COP1: variants seen among roughly 807,000 people sequenced by gnomAD.
COP1 encodes E3 ubiquitin-protein ligase COP1.
COP1 carries 24 observed loss-of-function variants against 101.3 expected under a neutral mutation model. That is an observed-to-expected ratio of 0.24 (90% CI 0.17 to 0.33). The LOEUF is 0.33. Among genes scored for constraint, COP1 ranks in the 10% least tolerant of loss-of-function variants. The pLI is 1.00. For synonymous variants in COP1, 347 were observed against 341.9 expected (o/e 1.01, Z -0.17); for missense variants, 663 against 906.2 (o/e 0.73, Z 3.45).
At chr1:176,030,533 C>G (rs569666055) in intron 14 of COP1, among the ~76,000 whole-genome samples, 1 of 152,020 alleles carries the variant, frequency 6.6e-6, no homozygotes, top group Non-Finnish European at 1.5e-5. Flanking sequence ...AGAAGGGTGG[C>G]AGGTCTTTTG....
intron 15 of COP1, among the ~76,000 whole-genome samples, chr1:176,000,312 C>T (rs1040132684): frequency 2.6e-5 from 4 of 152,048 alleles, no homozygotes; most frequent in African/African-American, 9.7e-5. Context: ...CATTCTTCTG[C>T]AAACGGATAT....
At chr1:176,015,515 A>G (rs1217028917) in intron 15 of COP1, among the ~76,000 whole-genome samples, 5 of 152,112 alleles carry the variant, frequency 3.3e-5, no homozygotes, top group Non-Finnish European at 7.3e-5. Context: ...GGAAAACTTG[A>G]TAAGGAAGAC....
intron 18 of COP1, 172 bp from the exon 19 acceptor site, chr1:175,947,411 C>A: frequency 3.8e-6 from 2 of 527,676 alleles, no homozygotes; most frequent in Non-Finnish European, 6.8e-6. Flanking sequence ...TGCTCTGTTG[C>A]CCAGGCTGGA....
chr1:175,993,761 C>T (rs1428875295), intron 15 of COP1, among the ~76,000 whole-genome samples: 1 of 152,144 alleles, frequency 6.6e-6, no homozygotes, highest in African/African-American at 2.4e-5. Context: ...ACCAAATCTA[C>T]GTCTGATTGG....
intron 8 of COP1, chr1:176,133,973 C>A: frequency 2.3e-6 from 1 of 432,378 alleles, no homozygotes; most frequent in South Asian, 1.6e-5. Context: ...AGAAGAAAAT[C>A]GGCTGAATTA....
chr1:175,996,117 C>T (rs531561926), intron 15 of COP1, among the ~76,000 whole-genome samples: 4 of 152,066 alleles, frequency 2.6e-5, no homozygotes, highest in Admixed American at 2.0e-4. Flanking sequence ...AAATGTAATC[C>T]AGCATATAAA....
chr1:175,991,073 T>A (rs778356259), intron 15 of COP1, among the ~76,000 whole-genome samples: 2 of 152,140 alleles, frequency 1.3e-5, no homozygotes, highest in Non-Finnish European at 2.9e-5. Flanking sequence ...TGCTTCTTCA[T>A]TGGAGCATTT....
Position 176,099,110 on chromosome 1 carries a change from C to T in COP1, c.1027-13220G>A, listed in dbSNP as rs142361578. On this transcript the variant is annotated intron_variant, in intron 9 of 19. Coordinates refer to ENST00000367669, the MANE Select transcript of COP1 (RefSeq NM_022457.7). Reference sequence around the variant, plus strand: ...TAATCAAACTACTTTGTCAATTGTGCTTCTAACTGTAACTACCCTGGACAT... The same window carrying T: ...TAATCAAACTACTTTGTCAATTGTGTTTCTAACTGTAACTACCCTGGACAT... Among the ~76,000 whole-genome samples the T allele has an allele frequency of 9.4e-3, 1,413 of 150,862 alleles. 24 individuals carry two copies. Among genetic ancestry groups the T allele is most frequent in the African/African-American group, 0.032 (1,343 of 41,444 alleles).
rs568549496 is a variant in COP1, at chr1:176,123,781, T to C, written c.969-7100A>G. Among the ~76,000 whole-genome samples, 63 of 152,280 alleles carry C rather than the reference T, an allele frequency of 4.1e-4. No homozygotes were observed. The South Asian group carries it at 0.012, about 29-fold the overall frequency. ...GTTATAAAATGTTTGTGTTGAATAT[T>C]TGAACTTTCTCTTATAAAAAGGAAA... On this transcript the variant is annotated intron_variant, in intron 8 of 19. Transcript: ENST00000367669.
intron 1 of COP1, among the ~76,000 whole-genome samples, chr1:176,202,645 C>T (rs1700390155): frequency 6.6e-6 from 1 of 150,742 alleles, no homozygotes; most frequent in Admixed American, 6.6e-5. Context: ...CTAGCCTGGG[C>T]AACATAGGGA....
At chr1:176,019,463 AAATAATAATAATAATAATAAT>A (rs34362717) in intron 15 of COP1, among the ~76,000 whole-genome samples, 1 of 132,382 alleles carries the variant, frequency 7.6e-6, no homozygotes. Context: ...ACTCCATCTC[AAATAATAATAATAATAATAAT>A]AATAATAATA....
chr1:176,022,729 CCT>C (rs1666963048), intron 15 of COP1, among the ~76,000 whole-genome samples: 1 of 142,386 alleles, frequency 7.0e-6, no homozygotes. Flanking sequence ...GATACTATCC[CCT>C]GCTTCAGACC....
intron 18 of COP1, among the ~76,000 whole-genome samples, chr1:175,984,753 G>A (rs1656706677): frequency 6.6e-6 from 1 of 152,212 alleles, no homozygotes; most frequent in Admixed American, 6.5e-5. Flanking sequence ...CCCACCTCTT[G>A]CATCAGTGTG....
intron 15 of COP1, among the ~76,000 whole-genome samples, chr1:176,005,867 G>A (rs985585681): frequency 2.5e-4 from 38 of 152,224 alleles, no homozygotes; most frequent in Non-Finnish European, 3.7e-4. Flanking sequence ...TATTAGGTCC[G>A]CTTGGTGCAG....
Position 176,094,859 on chromosome 1 carries a change from G to C in COP1, c.1027-8969C>G, listed in dbSNP as rs1682043078. ...CAATTAACATGAAAACAGAAAAGCAGCAAGCAAAACTGAATATTCTATTTC... is the reference window on the plus strand; with the variant it reads ...CAATTAACATGAAAACAGAAAAGCACCAAGCAAAACTGAATATTCTATTTC... On this transcript the variant is annotated intron_variant, in intron 9 of 19. Coordinates refer to ENST00000367669, the MANE Select transcript of COP1 (RefSeq NM_022457.7). 3.3e-5 allele frequency among the ~76,000 whole-genome samples: 5 copies of C among 152,184 alleles called. No individual in the cohort carries two copies. The South Asian group carries it at 1.0e-3, about 32-fold the overall frequency.
In COP1 at chr1:176,100,699, T is replaced by C. The variant is rs150306783; in HGVS notation, c.1027-14809A>G. On this transcript the variant is annotated intron_variant, in intron 9 of 19. Coordinates refer to ENST00000367669, the MANE Select transcript of COP1 (RefSeq NM_022457.7). Reference sequence around the variant, plus strand: ...TTTGGAAAACTAAGAACAAGGGAGCTAACCAAAGACAAGAACTATGCACCC... The same window carrying C: ...TTTGGAAAACTAAGAACAAGGGAGCCAACCAAAGACAAGAACTATGCACCC... 5.9e-3 allele frequency among the ~76,000 whole-genome samples: 893 copies of C among 152,252 alleles called. 57 individuals carry two copies. Among genetic ancestry groups the C allele is most frequent in the Admixed American group, 0.052 (791 of 15,278 alleles).
intron 5 of COP1, among the ~76,000 whole-genome samples, chr1:176,156,927 G>T (rs1693539069): frequency 6.6e-6 from 1 of 152,184 alleles, no homozygotes; most frequent in South Asian, 2.1e-4. Flanking sequence ...GCTGGGTCTG[G>T]TGGCTCACAC....
At chr1:176,049,178 C>CAAAAAAAAAAAAAAA (rs61267982) in intron 11 of COP1, among the ~76,000 whole-genome samples, 7 of 118,352 alleles carry the variant, frequency 5.9e-5, no homozygotes, top group Admixed American at 3.4e-4. Flanking sequence ...GACTCCGTCT[C>CAAAAAAAAAAAAAAA]AAAAAAAAAA....
At chr1:176,091,365 A>C (rs1464520107) in intron 9 of COP1, among the ~76,000 whole-genome samples, 1 of 152,004 alleles carries the variant, frequency 6.6e-6, no homozygotes, top group African/African-American at 2.4e-5. Context: ...AAAACAAAAA[A>C]AAAAACTTCT....
Sources: gnomAD v4.1 joint callset for allele counts (sites outside exome capture counted in the v4.1 genomes callset) on GRCh38, gnomAD v4.1.1 for gene constraint, MANE v1.5 for transcripts, NCBI Gene and HGNC (gene_info 2026-07-23, HGNC 2026-07-21) for gene names.